MMS22L: variants seen among roughly 807,000 people sequenced by gnomAD.
The protein encoded by MMS22L is protein MMS22-like.
A neutral mutation model predicts 159.1 loss-of-function variants in MMS22L; 74 were observed. The observed-to-expected ratio is 0.47, with a 90% CI of 0.39 to 0.56. The LOEUF (loss-of-function observed/expected upper bound fraction) is 0.56. MMS22L is among the 20% of genes least tolerant of loss of function. MMS22L has a pLI of 0.00. For missense variants in MMS22L, 1,351 were observed against 1,422.1 expected (o/e 0.95, Z 0.80); for synonymous variants, 517 against 506.9 (o/e 1.02, Z -0.27).
At chr6:97,163,781 C>T (rs762618056) in intron 21 of MMS22L, among the ~76,000 whole-genome samples, 6 of 151,834 alleles carry the variant, frequency 4.0e-5, no homozygotes, top group Non-Finnish European at 5.9e-5. Context: ...ATAAAGGATA[C>T]GTGGGATTTA....
At chr6:97,263,111 T>C (rs1286842069) in intron 9 of MMS22L, among the ~76,000 whole-genome samples, 1 of 152,168 alleles carries the variant, frequency 6.6e-6, no homozygotes, top group Non-Finnish European at 1.5e-5. Flanking sequence ...AAAGTAAGGG[T>C]TGAACCTTGT....
chr6:97,188,048 A>G (rs368425012), intron 14 of MMS22L, among the ~76,000 whole-genome samples: 73 of 152,280 alleles, frequency 4.8e-4, no homozygotes, highest in African/African-American at 1.7e-3. Flanking sequence ...TCTCTGTAAA[A>G]ACTTCTTGAG....
rs149054595 is a variant in MMS22L, at chr6:97,162,124, C to T, written c.3263G>A (p.Arg1088His). ...LEYKGSSPPP[R>H]LASILAFILQ... ...GATGAAGGCCAGAATGGATGCTAAG[C>T]GAGGAGGAGGTGAGGACCCCTTATA... The change falls in exon 22 of 25, where the codon CGC (arginine) becomes CAC (histidine). Residue 1088 changes from arginine to histidine, a missense_variant. Physicochemically the swap from Arg to His is conservative, Grantham distance 29. Transcript: ENST00000683635. 533 of 1,610,374 alleles carry T rather than the reference C, an allele frequency of 3.3e-4. 1 individual carries two copies. The highest frequency in any genetic ancestry group is 2.5e-3 in the African/African-American group (184 of 74,710).
chr6:97,197,808 G>T (rs1028880047), intron 14 of MMS22L, among the ~76,000 whole-genome samples: 1 of 152,100 alleles, frequency 6.6e-6, no homozygotes, highest in Non-Finnish European at 1.5e-5. Flanking sequence ...CATTTTGGAA[G>T]AGACCACCAA....
chr6:97,249,439 G>A (rs1479195912), intron 10 of MMS22L, among the ~76,000 whole-genome samples: 4 of 152,152 alleles, frequency 2.6e-5, no homozygotes, highest in South Asian at 2.1e-4. Context: ...CCCTGAGCTT[G>A]CAACTGGTGT....
intron 19 of MMS22L, 69 bp downstream of exon 19, chr6:97,172,994 T>C (rs756704670): frequency 2.7e-6 from 4 of 1,462,568 alleles, no homozygotes; most frequent in Non-Finnish European, 3.7e-6. Flanking sequence ...AATATATACC[T>C]ATCCATCATG....
rs115730453 is a variant in MMS22L at position 97,239,852 on chromosome 6, G to A, written c.1183-5872C>T. On this transcript the variant is annotated intron_variant, in intron 11 of 24. Coordinates refer to ENST00000683635, the MANE Select transcript of MMS22L (RefSeq NM_001350599.2). ...GCTCAGGAGTTCAAGGTTATAGTGA[G>A]CTATAACCACACCACTGTACTCCAA... Among the ~76,000 whole-genome samples, 274 of 152,264 alleles carry A rather than the reference G, an allele frequency of 1.8e-3. 3 individuals are homozygous for A. Among genetic ancestry groups the A allele is most frequent in the African/African-American group, 6.2e-3 (258 of 41,566 alleles).
At chr6:97,150,819 A>T (rs1444525569) in intron 23 of MMS22L, among the ~76,000 whole-genome samples, 6 of 152,316 alleles carry the variant, frequency 3.9e-5, no homozygotes, top group Admixed American at 3.9e-4. Flanking sequence ...GGTAAGGCAG[A>T]GATAGGAATA....
chr6:97,196,420 T>TTTG (rs1806514258), intron 14 of MMS22L, among the ~76,000 whole-genome samples: 1 of 152,208 alleles, frequency 6.6e-6, no homozygotes, highest in Admixed American at 6.5e-5. Flanking sequence ...GTATTACTAG[T>TTTG]AGACGGTATT....
chr6:97,264,036 A>G (rs1460110807), intron 8 of MMS22L: 2 of 152,230 alleles, frequency 1.3e-5, no homozygotes, highest in African/African-American at 4.8e-5. Flanking sequence ...AGGGCCAGAT[A>G]GGACATATTT....
At chr6:97,254,120 T>G (rs900207658) in intron 10 of MMS22L, 1 of 153,876 alleles carries the variant, frequency 6.5e-6, no homozygotes, top group Non-Finnish European at 1.4e-5. Context: ...AAAGCTTCAC[T>G]AAAGAAGTGC....
intron 9 of MMS22L, chr6:97,261,589 T>C (rs867436199): frequency 6.6e-6 from 1 of 152,202 alleles, no homozygotes; most frequent in Non-Finnish European, 1.5e-5. Context: ...TTGCAGTCAA[T>C]AGTAGGCCAC....
chr6:97,278,764 T>G, intron 4 of MMS22L, 85 bp downstream of exon 4: 1 of 1,056,390 alleles, frequency 9.5e-7, no homozygotes, highest in Non-Finnish European at 1.4e-6. Context: ...TATCATGATA[T>G]GCCAATTATA....
At chr6:97,271,392 T>G (rs986504279) in intron 6 of MMS22L, 3 of 152,158 alleles carry the variant, frequency 2.0e-5, no homozygotes, top group African/African-American at 7.2e-5. Context: ...GCTATATAAA[T>G]TATTCATTTT....
intron 4 of MMS22L, among the ~76,000 whole-genome samples, chr6:97,277,049 A>G (rs767772851): frequency 3.9e-5 from 6 of 152,246 alleles, no homozygotes; most frequent in Non-Finnish European, 7.3e-5. Flanking sequence ...AAAAAATATA[A>G]AACAGCCTAA....
Position 97,229,132 on chromosome 6 carries a change from C to T in MMS22L, c.1801G>A (p.Glu601Lys). ...LAEKFSCAFR[E>K]KAKEFLVSKN... ...GACACCAAGAATTCCTTTGCTTTCT[C>T]CCGGAAAGCACATGAAAATTTCTCA... The change falls in exon 14 of 25, where the codon GAG (glutamate) becomes AAG (lysine). Residue 601 changes from glutamate (E) to lysine (K), a missense_variant. Coordinates refer to ENST00000683635, the MANE Select transcript of MMS22L (RefSeq NM_001350599.2). The T allele has an allele frequency of 6.2e-7, 1 of 1,614,114 alleles. No homozygotes were observed.
Position 97,165,404 on chromosome 6 carries a change from T to C in MMS22L, c.3063A>G (p.Gln1021=). Residue 1021 remains glutamine, a synonymous_variant, in exon 21 of 25, where the codon CAA becomes CAG. Coordinates refer to ENST00000683635, the MANE Select transcript of MMS22L (RefSeq NM_001350599.2). ...QSQNPNAYLN[Q]LLGNVIEQYI... ...ACTGCTCAATAACATTCCCTAGCAA[T>C]TGATTCAAATAGGCATTCGGATTTT... is the stretch of plus-strand genomic sequence containing the variant. 6.2e-7 allele frequency: 1 copy of C among 1,613,130 alleles called. No individual in the cohort carries two copies. Among genetic ancestry groups the C allele is most frequent in the Non-Finnish European group, 8.5e-7 (1 of 1,179,534 alleles).
chr6:97,248,531 T>C (rs893957294), intron 10 of MMS22L, among the ~76,000 whole-genome samples: 2 of 152,190 alleles, frequency 1.3e-5, no homozygotes, highest in African/African-American at 2.4e-5. Context: ...AAAGCATTTA[T>C]TGGGAGAAAA....
At chr6:97,178,648 C>T in intron 17 of MMS22L, 63 bp from the exon 18 acceptor site, 2 of 771,606 alleles carry the variant, frequency 2.6e-6, no homozygotes, top group Non-Finnish European at 3.9e-6. Flanking sequence ...CATAACCACA[C>T]ATACAACATA....
Sources: gnomAD v4.1 joint callset for allele counts (sites outside exome capture counted in the v4.1 genomes callset) on GRCh38, gnomAD v4.1.1 for gene constraint, MANE v1.5 for transcripts, NCBI Gene and HGNC (gene_info 2026-07-23, HGNC 2026-07-21) for gene names.